EYA1: variants seen among roughly 807,000 people sequenced by gnomAD.
EYA1 encodes the protein protein phosphatase EYA1.
Under a neutral mutation model 82.0 loss-of-function variants are expected in EYA1, and 16 were observed. The observed-to-expected ratio is 0.20, with a 90% CI of 0.13 to 0.30. EYA1 has a LOEUF of 0.30. EYA1 is among the 10% of genes least tolerant of loss of function. The pLI is 1.00. For synonymous variants in EYA1, 261 were observed against 264.4 expected, an observed-to-expected ratio of 0.99 and a Z score of 0.12; for missense variants, 633 against 730.7, an observed-to-expected ratio of 0.87 and a Z score of 1.54.
intron 4 of EYA1, among the ~76,000 whole-genome samples, chr8:71,324,966 C>A (rs1822992693): frequency 6.6e-6 from 1 of 152,220 alleles, no homozygotes; most frequent in Non-Finnish European, 1.5e-5. Context: ...AGATGGCCAC[C>A]TGTGCCTTCT....
At chr8:71,233,074 G>A (rs1043461537) in intron 12 of EYA1, among the ~76,000 whole-genome samples, 5 of 152,158 alleles carry the variant, frequency 3.3e-5, no homozygotes, top group Non-Finnish European at 7.4e-5. Context: ...AGAACTGCAA[G>A]CTAACAAACC....
At chr8:71,376,799 C>G (rs1406436002) in intron 2 of EYA1, among the ~76,000 whole-genome samples, 1 of 152,060 alleles carries the variant, frequency 6.6e-6, no homozygotes, top group Admixed American at 6.5e-5. Flanking sequence ...TCCAAAAAGC[C>G]GGAACAATCA....
chr8:71,439,723 A>G (rs182881727), intron 2 of EYA1, among the ~76,000 whole-genome samples: 7 of 152,292 alleles, frequency 4.6e-5, no homozygotes, highest in Non-Finnish European at 8.8e-5. Context: ...CTGCTCAGTC[A>G]TTCATTCCAC....
intron 17 of EYA1, among the ~76,000 whole-genome samples, chr8:71,201,509 C>T (rs1414352908): frequency 6.6e-6 from 1 of 152,102 alleles, no homozygotes; most frequent in African/African-American, 2.4e-5. Context: ...GTTAGAAAAA[C>T]GTTTGATCCT....
At chr8:71,324,653 G>A (rs903695606) in intron 4 of EYA1, among the ~76,000 whole-genome samples, 4 of 152,044 alleles carry the variant, frequency 2.6e-5, no homozygotes, top group African/African-American at 7.2e-5. Context: ...AGGAACTAAG[G>A]GCTGATAGAA....
At chr8:71,412,292 G>A (rs1415551724) in intron 2 of EYA1, among the ~76,000 whole-genome samples, 1 of 147,510 alleles carries the variant, frequency 6.8e-6, no homozygotes, top group Admixed American at 6.8e-5. Context: ...TGACGAGTTA[G>A]TGGGTGCAGC....
intron 9 of EYA1, among the ~76,000 whole-genome samples, chr8:71,278,391 T>C (rs1817443432): frequency 6.6e-6 from 1 of 152,198 alleles, no homozygotes; most frequent in Non-Finnish European, 1.5e-5. Flanking sequence ...TGCCAAATAG[T>C]TTTCAAAGGA....
chr8:71,230,651 A>G (rs894355073), intron 12 of EYA1, among the ~76,000 whole-genome samples: 3 of 152,184 alleles, frequency 2.0e-5, no homozygotes, highest in Non-Finnish European at 4.4e-5. Context: ...CCTTCAGACC[A>G]CACTGTTCCT....
rs996644454 is a variant in EYA1 at position 71,229,944 on chromosome 8, C to T, written c.1141-12921G>A. On this transcript the variant is annotated intron_variant, in intron 12 of 17. Coordinates refer to ENST00000340726, the MANE Select transcript of EYA1 (RefSeq NM_000503.6). ...CAACATGCTCTCCCCATACCCCGAC[C>T]GTCCACCTGCCTTACAAAGGAGTAG... 3.9e-5 allele frequency among the ~76,000 whole-genome samples: 6 copies of T among 152,154 alleles called. No individual in the cohort carries two copies. In the South Asian group the frequency reaches 1.0e-3, roughly 26 times the overall value.
At chr8:71,377,343 T>C (rs1586584154) in intron 2 of EYA1, among the ~76,000 whole-genome samples, 1 of 152,104 alleles carries the variant, frequency 6.6e-6, no homozygotes, top group Admixed American at 6.5e-5. Context: ...TTGACAGAAA[T>C]TGGGAGAGAC....
In EYA1 at chr8:71,282,648, CCTT is replaced by C. The variant is rs1190438833; in HGVS notation, c.827-10754_827-10752del. 1.1e-4 allele frequency among the ~76,000 whole-genome samples: 16 copies of C among 152,312 alleles called. No homozygotes were observed. In the East Asian group the frequency reaches 3.1e-3, roughly 29 times the overall value. On this transcript the variant is annotated intron_variant, in intron 9 of 17. Transcript: ENST00000340726. ...CTCCCTGGGTGCTCTTTCCCAATCT[CCTT>C]CTCTGGCTCTTCCTCTTTTCCCAGC... is the stretch of plus-strand genomic sequence containing the variant.
intron 10 of EYA1, chr8:71,270,234 A>G: frequency 5.9e-6 from 1 of 168,464 alleles, no homozygotes; most frequent in Non-Finnish European, 1.3e-5. Flanking sequence ...AAGCACTAAA[A>G]TAATGAATCT....
intron 2 of EYA1, among the ~76,000 whole-genome samples, chr8:71,457,599 A>C (rs537570266): frequency 6.6e-6 from 1 of 152,334 alleles, no homozygotes; most frequent in African/African-American, 2.4e-5. Context: ...TGATGAGTTC[A>C]TGTCTTTTAT....
chr8:71,492,524 G>A (rs1419329452), intron 2 of EYA1, among the ~76,000 whole-genome samples: 4 of 149,162 alleles, frequency 2.7e-5, no homozygotes, highest in Non-Finnish European at 5.9e-5. Flanking sequence ...GAGTGCAGTC[G>A]CGTGATCTCA....
chr8:71,371,791 T>C (rs1332624260), intron 2 of EYA1, among the ~76,000 whole-genome samples: 1 of 151,990 alleles, frequency 6.6e-6, no homozygotes, highest in African/African-American at 2.4e-5. Context: ...ACAATAATTA[T>C]TTTTTTCTTT....
chr8:71,429,661 A>T (rs1329331864), intron 2 of EYA1, among the ~76,000 whole-genome samples: 1 of 152,102 alleles, frequency 6.6e-6, no homozygotes, highest in African/African-American at 2.4e-5. Flanking sequence ...GTCCTCAAAA[A>T]ATATGTATTA....
chr8:71,433,456 T>C (rs2129163280), intron 2 of EYA1, among the ~76,000 whole-genome samples: 1 of 152,276 alleles, frequency 6.6e-6, no homozygotes, highest in East Asian at 1.9e-4. Flanking sequence ...ATGAGGAAAA[T>C]ATCCAGTCCA....
chr8:71,459,522 C>T (rs1563635930), intron 2 of EYA1, among the ~76,000 whole-genome samples: 1 of 152,142 alleles, frequency 6.6e-6, no homozygotes, highest in Non-Finnish European at 1.5e-5. Flanking sequence ...TCCATGTTAA[C>T]CAAGGTCTAC....
chr8:71,404,917 C>CAAAAAAA (rs766716754), intron 2 of EYA1: 1 of 40,898 alleles, frequency 2.4e-5, no homozygotes, highest in Non-Finnish European at 5.1e-5. Context: ...GACTCCACCT[C>CAAAAAAA]AAAAAAAAAA....
Sources: gnomAD v4.1 joint callset for allele counts (sites outside exome capture counted in the v4.1 genomes callset) on GRCh38, gnomAD v4.1.1 for gene constraint, MANE v1.5 for transcripts, NCBI Gene and HGNC (gene_info 2026-07-23, HGNC 2026-07-21) for gene names.